SYT16: variants seen among roughly 807,000 people sequenced by gnomAD.
The protein encoded by SYT16 is synaptotagmin-16.
In SYT16, 42 loss-of-function variants were observed where a neutral mutation model predicts 61.4. The ratio of observed to expected loss-of-function variants is 0.68; its 90% CI spans 0.53 to 0.89. The LOEUF (loss-of-function observed/expected upper bound fraction) is 0.89. SYT16 is among the 40% of genes least tolerant of loss of function. SYT16 has a pLI of 0.00. For synonymous variants in SYT16, 314 were observed against 302.3 expected (o/e 1.04, Z -0.40); for missense variants, 804 against 807.3 (o/e 1.00, Z 0.05).
intron 7 of SYT16, 54 bp from the exon 8 acceptor site, chr14:62,100,338 CAG>C: frequency 7.0e-7 from 1 of 1,435,856 alleles, no homozygotes; most frequent in Non-Finnish European, 9.3e-7. Context: ...TCTAGCCAAA[CAG>C]AGAGCACTAA....
intron 1 of SYT16, among the ~76,000 whole-genome samples, chr14:61,885,761 A>C (rs2047875146): frequency 6.6e-6 from 1 of 152,222 alleles, no homozygotes; most frequent in Non-Finnish European, 1.5e-5. Flanking sequence ...TGTTTACACT[A>C]TTATGTAATC....
At chr14:61,942,717 A>C (rs1383010979) in intron 1 of SYT16, among the ~76,000 whole-genome samples, 1 of 152,210 alleles carries the variant, frequency 6.6e-6, no homozygotes. Context: ...GAATGTCTTG[A>C]AATGTTTAAA....
intron 1 of SYT16, among the ~76,000 whole-genome samples, chr14:61,847,485 T>C (rs2046478647): frequency 6.6e-6 from 1 of 152,158 alleles, no homozygotes; most frequent in Non-Finnish European, 1.5e-5. Context: ...TTAGGCTCTT[T>C]TCTTTATCTT....
At chr14:62,009,401 G>A (rs946984914) in intron 3 of SYT16, among the ~76,000 whole-genome samples, 1 of 152,138 alleles carries the variant, frequency 6.6e-6, no homozygotes, top group Non-Finnish European at 1.5e-5. Flanking sequence ...AAGTTTACAA[G>A]AGGAAACTAG....
intron 1 of SYT16, among the ~76,000 whole-genome samples, chr14:61,948,988 AG>A (rs2050558936): frequency 6.6e-6 from 1 of 152,212 alleles, no homozygotes; most frequent in African/African-American, 2.4e-5. Context: ...GAGAGACCTT[AG>A]GAGGAGACAG....
intron 1 of SYT16, among the ~76,000 whole-genome samples, chr14:61,919,202 C>T (rs1280716213): frequency 6.6e-6 from 1 of 152,124 alleles, no homozygotes; most frequent in Non-Finnish European, 1.5e-5. Context: ...AAACAGTAGC[C>T]ACTGTTCCCT....
chr14:61,859,008 C>T (rs1471899487), intron 1 of SYT16, among the ~76,000 whole-genome samples: 1 of 145,836 alleles, frequency 6.9e-6, no homozygotes, highest in Non-Finnish European at 1.5e-5. Context: ...GCGCCCACCA[C>T]TACGCCCGGC....
chr14:62,089,888 A>G (rs1392996748), intron 7 of SYT16, among the ~76,000 whole-genome samples: 1 of 152,228 alleles, frequency 6.6e-6, no homozygotes, highest in Non-Finnish European at 1.5e-5. Flanking sequence ...TGGAAAAGTT[A>G]GCAGTAAGAG....
chr14:61,964,241 A>G (rs1042161115), intron 1 of SYT16, among the ~76,000 whole-genome samples: 18 of 152,202 alleles, frequency 1.2e-4, no homozygotes, highest in African/African-American at 4.3e-4. Context: ...TCATATGGGC[A>G]AAGCACATTG....
chr14:61,834,900 A>G (rs903761680), intron 1 of SYT16, among the ~76,000 whole-genome samples: 5 of 152,238 alleles, frequency 3.3e-5, no homozygotes, highest in African/African-American at 1.2e-4. Flanking sequence ...TTGATATATG[A>G]TGGTATATAG....
At chr14:61,824,923 T>C (rs919710314) in intron 1 of SYT16, among the ~76,000 whole-genome samples, 11 of 152,242 alleles carry the variant, frequency 7.2e-5, no homozygotes, top group African/African-American at 2.7e-4. Flanking sequence ...CTAATCGAAC[T>C]TGTGCTTGTA....
chr14:62,074,869 A>T (rs999511509), intron 4 of SYT16, among the ~76,000 whole-genome samples: 10 of 152,202 alleles, frequency 6.6e-5, no homozygotes, highest in African/African-American at 2.4e-4. Context: ...TGTCGATTTT[A>T]TCCTTTTGAC....
intron 7 of SYT16, among the ~76,000 whole-genome samples, chr14:62,093,681 G>A (rs2057172593): frequency 6.6e-6 from 1 of 152,098 alleles, no homozygotes; most frequent in Non-Finnish European, 1.5e-5. Flanking sequence ...GATAATCTCA[G>A]TAGATGCAAA....
chr14:61,952,392 G>C (rs142076808), intron 1 of SYT16, among the ~76,000 whole-genome samples: 15 of 152,272 alleles, frequency 9.9e-5, no homozygotes, highest in African/African-American at 3.1e-4. Flanking sequence ...AAGTCTCAGA[G>C]ATTCACTCCA....
intron 7 of SYT16, among the ~76,000 whole-genome samples, chr14:62,085,527 G>A (rs1452314831): frequency 1.3e-5 from 2 of 152,190 alleles, no homozygotes; most frequent in African/African-American, 4.8e-5. Context: ...CAGGCCTCAG[G>A]TATCAGCAGC....
At chr14:61,910,089 C>T (rs182214299) in intron 1 of SYT16, among the ~76,000 whole-genome samples, 69 of 152,308 alleles carry the variant, frequency 4.5e-4, no homozygotes, top group Admixed American at 2.4e-3. Context: ...AGTATGCTTC[C>T]ATTATGGTAG....
intron 7 of SYT16, among the ~76,000 whole-genome samples, chr14:62,094,788 T>C (rs1402393471): frequency 6.6e-6 from 1 of 151,746 alleles, no homozygotes; most frequent in African/African-American, 2.4e-5. Flanking sequence ...AGTTCAGGAG[T>C]ATAAGGCATT....
chr14:61,861,130 A>C (rs2046948954), intron 1 of SYT16, among the ~76,000 whole-genome samples: 2 of 152,170 alleles, frequency 1.3e-5, no homozygotes, highest in Admixed American at 1.3e-4. Context: ...GAGATTCATC[A>C]CAATACTGCT....
At position 61,950,840 on chromosome 14, in the gene SYT16, G is replaced by A. The variant is rs77163736; in HGVS notation, c.-324-19292G>A. 3.4e-3 allele frequency among the ~76,000 whole-genome samples: 516 copies of A among 152,304 alleles called. 4 individuals are homozygous for A. Among genetic ancestry groups the A allele is most frequent in the African/African-American group, 0.012 (502 of 41,564 alleles). On this transcript the variant is annotated intron_variant, in intron 1 of 7. Transcript: ENST00000683842. ...AGAACCAGTAAATACTTCTAGTAGAGAAATCTGAGAATCGATTAGAATCCC... is the reference window on the plus strand; with the variant it reads ...AGAACCAGTAAATACTTCTAGTAGAAAAATCTGAGAATCGATTAGAATCCC...
Sources: gnomAD v4.1 joint callset for allele counts (sites outside exome capture counted in the v4.1 genomes callset) on GRCh38, gnomAD v4.1.1 for gene constraint, MANE v1.5 for transcripts, NCBI Gene and HGNC (gene_info 2026-07-23, HGNC 2026-07-21) for gene names.